FBXW11: variants seen among roughly 807,000 people sequenced by gnomAD.
The protein encoded by FBXW11 is F-box and WD repeat domain containing 11.
In FBXW11, 19 loss-of-function variants were observed where a neutral mutation model predicts 77.6. The ratio of observed to expected loss-of-function variants is 0.24; its 90% CI spans 0.17 to 0.36. FBXW11 has a LOEUF of 0.36. Among genes scored for constraint, FBXW11 ranks in the 10% least tolerant of loss-of-function variants. The pLI is 1.00. For missense variants in FBXW11, 334 were observed against 704.2 expected, an observed-to-expected ratio of 0.47 and a Z score of 5.95; for synonymous variants, 235 against 249.4, an observed-to-expected ratio of 0.94 and a Z score of 0.54.
chr5:171,932,185 T>C lies in FBXW11; in HGVS notation c.148-17780A>G, dbSNP rs572666787. On this transcript the variant is annotated intron_variant, in intron 2 of 13. Coordinates refer to ENST00000517395, the MANE Select transcript of FBXW11 (RefSeq NM_001378974.1). Reference sequence around the variant, plus strand: ...CCACCATGCCTGGCCTAGAAACAATTCTTCAAACTCAACAAGAAAAAAGTA... The same window carrying C: ...CCACCATGCCTGGCCTAGAAACAATCCTTCAAACTCAACAAGAAAAAAGTA... 2.3e-3 allele frequency among the ~76,000 whole-genome samples: 354 copies of C among 152,008 alleles called. 1 individual carries two copies. Among genetic ancestry groups the C allele is most frequent in the Non-Finnish European group, 3.4e-3 (233 of 67,964 alleles).
chr5:172,002,445 T>TGG (rs1766464258), intron 1 of FBXW11, among the ~76,000 whole-genome samples: 1 of 151,174 alleles, frequency 6.6e-6, no homozygotes, highest in South Asian at 2.1e-4. Context: ...TGTGTGTGTG[T>TGG]GGTTTATTCA....
intron 2 of FBXW11, among the ~76,000 whole-genome samples, chr5:171,946,801 T>C (rs1441898766): frequency 7.3e-6 from 1 of 137,868 alleles, no homozygotes; most frequent in Non-Finnish European, 1.5e-5. Flanking sequence ...TCCTGTGTAC[T>C]TTACTTTTTT....
chr5:171,869,934 GT>G lies in FBXW11; in HGVS notation c.1452-128del. ...AAAAGCTAATGGGGAACATGCTTAT[GT>G]TTTTACAAATCATCTGAACCAATTA... On this transcript the variant is annotated intron_variant, in intron 11 of 13. Transcript: ENST00000517395. This position sits in a 1 kb window ranked among gnomAD's most constrained non-coding sequence, Gnocchi z 4.1. 1 of 492,436 alleles carries G rather than the reference GT, an allele frequency of 2.0e-6. No individual in the cohort carries two copies. The highest frequency in any genetic ancestry group is 3.6e-6 in the Non-Finnish European group (1 of 274,734). The allele number at this position is 492,436 out of a possible 1,614,324, so 30.5% of individuals were successfully genotyped here.
intron 1 of FBXW11, among the ~76,000 whole-genome samples, chr5:171,967,231 T>G (rs1561731386): frequency 2.0e-5 from 3 of 152,166 alleles, no homozygotes; most frequent in Non-Finnish European, 4.4e-5. Flanking sequence ...TGTAAGAAAT[T>G]TTATCAAGGA....
chr5:171,944,141 T>C (rs539518197), intron 2 of FBXW11, among the ~76,000 whole-genome samples: 1 of 152,242 alleles, frequency 6.6e-6, no homozygotes, highest in South Asian at 2.1e-4. Flanking sequence ...AATTATGCTA[T>C]GAGAAATTAT....
intron 2 of FBXW11, chr5:171,916,555 A>C (rs1336201797): frequency 4.2e-6 from 3 of 708,568 alleles, no homozygotes; most frequent in Admixed American, 6.3e-5. Flanking sequence ...CAAGGAAACA[A>C]AGGTAGTATT....
intron 2 of FBXW11, among the ~76,000 whole-genome samples, chr5:171,943,230 C>T (rs1158211601): frequency 6.6e-6 from 1 of 152,152 alleles, no homozygotes; most frequent in Non-Finnish European, 1.5e-5. Context: ...CTGCATGTAA[C>T]ATAAGGCATG....
intron 2 of FBXW11, among the ~76,000 whole-genome samples, chr5:171,919,829 A>G (rs1341728227): frequency 6.6e-6 from 1 of 152,110 alleles, no homozygotes; most frequent in African/African-American, 2.4e-5. Flanking sequence ...GAAGATCCTA[A>G]TCTTGTTTCA....
At chr5:171,935,899 T>C (rs1762449480) in intron 2 of FBXW11, among the ~76,000 whole-genome samples, 1 of 150,924 alleles carries the variant, frequency 6.6e-6, no homozygotes, top group East Asian at 1.9e-4. Flanking sequence ...TCACCTGAGG[T>C]CAGGAGTTCG....
At chr5:171,993,714 T>G (rs1765879557) in intron 1 of FBXW11, among the ~76,000 whole-genome samples, 1 of 152,218 alleles carries the variant, frequency 6.6e-6, no homozygotes, top group South Asian at 2.1e-4. Context: ...CTTGTAAAGT[T>G]GGTTAATGTT....
chr5:171,875,773 G>A (rs943170241), intron 9 of FBXW11, among the ~76,000 whole-genome samples: 1 of 152,064 alleles, frequency 6.6e-6, no homozygotes, highest in Non-Finnish European at 1.5e-5. Context: ...CTTCTTGAAG[G>A]CAAGGACATG....
intron 9 of FBXW11, among the ~76,000 whole-genome samples, chr5:171,874,656 G>A (rs983803360): frequency 6.7e-6 from 1 of 150,370 alleles, no homozygotes; most frequent in Admixed American, 6.7e-5. Flanking sequence ...ACCACTGGCA[G>A]GATTGTAAAA....
Position 171,869,732 on chromosome 5 carries a change from C to T in FBXW11, c.1527G>A (p.Leu509=). 1 of 1,607,260 alleles carries T rather than the reference C, an allele frequency of 6.2e-7. No homozygotes were observed. Among genetic ancestry groups the T allele is most frequent in the Non-Finnish European group, 8.5e-7 (1 of 1,176,388 alleles). ...APASTLCLRT[L]VEHSGRVFRL... The stretch of plus-strand genomic sequence containing the variant: ...CCCGTCTCAAGAGATCACATACCAC[C>T]AATGTGCGCAAACACAATGTGCTTG... Residue 509 remains leucine, a synonymous_variant, in exon 12 of 14, where the codon TTG becomes TTA. Transcript: ENST00000517395. This position sits in a 1 kb window ranked among gnomAD's most constrained non-coding sequence, Gnocchi z 4.1.
chr5:171,997,720 A>T (rs1766144928), intron 1 of FBXW11, among the ~76,000 whole-genome samples: 1 of 152,260 alleles, frequency 6.6e-6, no homozygotes, highest in Non-Finnish European at 1.5e-5. Context: ...ACCATTAAAT[A>T]TTAAGTCCTG....
intron 5 of FBXW11, among the ~76,000 whole-genome samples, chr5:171,899,372 T>C (rs1759962222): frequency 6.6e-6 from 1 of 152,212 alleles, no homozygotes; most frequent in Non-Finnish European, 1.5e-5. Flanking sequence ...AATGTAGCTT[T>C]GTGAAAAATC....
chr5:171,916,497 A>C, intron 2 of FBXW11: 11 of 984,186 alleles, frequency 1.1e-5, no homozygotes, highest in Non-Finnish European at 1.3e-5. Context: ...AGTCCAAAAC[A>C]GGACTGGAGT....
chr5:171,926,719 C>T (rs561128848), intron 2 of FBXW11, among the ~76,000 whole-genome samples: 5 of 152,264 alleles, frequency 3.3e-5, no homozygotes, highest in African/African-American at 1.2e-4. Flanking sequence ...TATCAATTAC[C>T]CAATCTCAGG....
intron 4 of FBXW11, among the ~76,000 whole-genome samples, chr5:171,909,928 G>A (rs1383468231): frequency 2.0e-5 from 3 of 152,050 alleles, no homozygotes; most frequent in African/African-American, 7.2e-5. Flanking sequence ...TGTTTGAAGG[G>A]AAAAGAGTAC....
At chr5:171,915,636 T>TGTGTGTGTGTGC (rs1761177681) in intron 2 of FBXW11, among the ~76,000 whole-genome samples, 1 of 151,912 alleles carries the variant, frequency 6.6e-6, no homozygotes, top group East Asian at 1.9e-4. Flanking sequence ...TGTGTGTGTG[T>TGTGTGTGTGTGC]GTGTGTGTGT....
Sources: gnomAD v4.1 joint callset for allele counts (sites outside exome capture counted in the v4.1 genomes callset) on GRCh38, gnomAD v4.1.1 for gene constraint, Gnocchi (gnomAD v3.1) non-coding constraint, MANE v1.5 for transcripts, NCBI Gene and HGNC (gene_info 2026-07-23, HGNC 2026-07-21) for gene names.